PCDH15: variants seen among roughly 807,000 people sequenced by gnomAD.
PCDH15 encodes the protein protocadherin related 15.
A neutral mutation model predicts 178.5 loss-of-function variants in PCDH15; 129 were observed. The ratio of observed to expected loss-of-function variants is 0.72; its 90% CI spans 0.63 to 0.84. The LOEUF (loss-of-function observed/expected upper bound fraction) is 0.84, where lower values mean the gene tolerates loss of function less well. PCDH15 is among the 40% of genes least tolerant of loss of function. The pLI is 0.00. For synonymous variants in PCDH15, 800 were observed against 732.0 expected, an observed-to-expected ratio of 1.09 and a Z score of -1.50; for missense variants, 2,230 against 2,099.9, an observed-to-expected ratio of 1.06 and a Z score of -1.21.
At chr10:55,140,380 C>T (rs1393756578) in intron 2 of PCDH15, among the ~76,000 whole-genome samples, 2 of 151,734 alleles carry the variant, frequency 1.3e-5, no homozygotes, top group African/African-American at 4.8e-5. Context: ...ATGTCTGTGG[C>T]CAAGGGTCCC....
chr10:54,516,616 A>G (rs1307077181), intron 3 of PCDH15, among the ~76,000 whole-genome samples: 3 of 152,212 alleles, frequency 2.0e-5, no homozygotes, highest in African/African-American at 7.2e-5. Flanking sequence ...GGAGAATGGA[A>G]CCAAGTTGGA....
At chr10:55,465,187 G>A (rs1839806924) in intron 2 of PCDH15, among the ~76,000 whole-genome samples, 1 of 152,180 alleles carries the variant, frequency 6.6e-6, no homozygotes, top group Non-Finnish European at 1.5e-5. Context: ...CTGGCAGTCT[G>A]AAATCTGCAG....
chr10:54,969,081 TA>T (rs200243243), intron 2 of PCDH15, among the ~76,000 whole-genome samples: 7 of 126,372 alleles, frequency 5.5e-5, no homozygotes, highest in East Asian at 3.5e-4. Context: ...CTGTTTCTAT[TA>T]TTTTTTTTTT....
chr10:54,488,736 T>C (rs890904540), intron 3 of PCDH15, among the ~76,000 whole-genome samples: 7 of 152,016 alleles, frequency 4.6e-5, no homozygotes, highest in East Asian at 1.9e-4. Context: ...AATAGAATAG[T>C]AAATGATAAA....
intron 3 of PCDH15, among the ~76,000 whole-genome samples, chr10:54,851,424 A>G (rs1358753385): frequency 6.6e-6 from 1 of 152,184 alleles, no homozygotes; most frequent in Non-Finnish European, 1.5e-5. Flanking sequence ...AGATATTGAC[A>G]AAGTAATTCT....
intron 2 of PCDH15, among the ~76,000 whole-genome samples, chr10:55,601,310 C>T (rs994050533): frequency 2.6e-5 from 4 of 152,168 alleles, no homozygotes; most frequent in Non-Finnish European, 4.4e-5. Flanking sequence ...GGCATTTGAA[C>T]TGAATCTTAC....
chr10:55,233,787 A>C (rs1841296965), intron 1 of PCDH15, among the ~76,000 whole-genome samples: 1 of 152,130 alleles, frequency 6.6e-6, no homozygotes, highest in African/African-American at 2.4e-5. Flanking sequence ...AAGCAACATA[A>C]TTATTTCCTT....
At chr10:55,045,107 A>C (rs2131981400) in intron 2 of PCDH15, among the ~76,000 whole-genome samples, 1 of 152,222 alleles carries the variant, frequency 6.6e-6, no homozygotes, top group Admixed American at 6.5e-5. Flanking sequence ...TGCTCTAAAA[A>C]CACCAAATAT....
At chr10:54,612,441 G>T (rs1359358513) in intron 2 of PCDH15, among the ~76,000 whole-genome samples, 1 of 151,548 alleles carries the variant, frequency 6.6e-6, no homozygotes, top group Non-Finnish European at 1.5e-5. Context: ...TTAAATAAGT[G>T]TTTTTTCTCT....
chr10:54,736,878 C>T (rs1388280015), intron 1 of PCDH15, among the ~76,000 whole-genome samples: 1 of 152,054 alleles, frequency 6.6e-6, no homozygotes, highest in African/African-American at 2.4e-5. Flanking sequence ...GAGCTGGTCA[C>T]TGATGGCATC....
intron 2 of PCDH15, among the ~76,000 whole-genome samples, chr10:55,046,629 C>T (rs771026014): frequency 1.8e-4 from 28 of 152,104 alleles, no homozygotes; most frequent in Non-Finnish European, 3.8e-4. Context: ...AGCTCAGCAA[C>T]ATTTCATAAT....
chr10:55,010,212 TAATAAATA>T (rs550481057), intron 2 of PCDH15, among the ~76,000 whole-genome samples: 1 of 151,784 alleles, frequency 6.6e-6, no homozygotes, highest in African/African-American at 2.4e-5. Context: ...AAGGAAGAAA[TAATAAATA>T]AATAAATAAA....
intron 10 of PCDH15, 102 bp downstream of exon 10, chr10:54,213,834 T>G (rs2134106221): frequency 1.3e-6 from 1 of 761,976 alleles, no homozygotes; most frequent in South Asian, 1.5e-5. Flanking sequence ...CTGTCCACAT[T>G]AATTTTAATT....
intron 20 of PCDH15, among the ~76,000 whole-genome samples, chr10:54,005,388 C>T (rs531277741): frequency 5.3e-5 from 8 of 152,028 alleles, no homozygotes; most frequent in Admixed American, 2.6e-4. Context: ...ACAGGGTGAG[C>T]GCAAATATTT....
At chr10:54,405,637 A>T (rs1406603332) in intron 3 of PCDH15, among the ~76,000 whole-genome samples, 1 of 151,930 alleles carries the variant, frequency 6.6e-6, no homozygotes, top group Non-Finnish European at 1.5e-5. Flanking sequence ...CCCCCATGAC[A>T]CAAGTTTACC....
chr10:54,616,524 T>C (rs1017692606), intron 2 of PCDH15, among the ~76,000 whole-genome samples: 3 of 152,112 alleles, frequency 2.0e-5, no homozygotes, highest in African/African-American at 7.2e-5. Context: ...ATGTGCTTGT[T>C]AAAATGCAGA....
At chr10:54,740,423 GT>G (rs1253086437) in intron 1 of PCDH15, among the ~76,000 whole-genome samples, 1 of 151,806 alleles carries the variant, frequency 6.6e-6, no homozygotes, top group Non-Finnish European at 1.5e-5. Context: ...TACATTCTTG[GT>G]GGGAATGTAA....
chr10:55,297,275 T>C (rs185598540), intron 1 of PCDH15, among the ~76,000 whole-genome samples: 3 of 152,232 alleles, frequency 2.0e-5, no homozygotes, highest in African/African-American at 7.2e-5. Flanking sequence ...ATTAAAAAAG[T>C]AATTCCATGG....
At chr10:54,661,657 G>T (rs1024135234) in intron 2 of PCDH15, among the ~76,000 whole-genome samples, 4 of 151,658 alleles carry the variant, frequency 2.6e-5, no homozygotes, top group Non-Finnish European at 5.9e-5. Flanking sequence ...ATACTATAAG[G>T]CTATAATAAA....
Sources: gnomAD v4.1 joint callset for allele counts (sites outside exome capture counted in the v4.1 genomes callset) on GRCh38, gnomAD v4.1.1 for gene constraint, MANE v1.5 for transcripts, NCBI Gene and HGNC (gene_info 2026-07-23, HGNC 2026-07-21) for gene names.